TET2: variants seen among roughly 807,000 people sequenced by gnomAD.
The protein encoded by TET2 is tet methylcytosine dioxygenase 2, also known as methylcytosine dioxygenase TET2.
TET2 carries 299 observed loss-of-function variants against 142.9 expected under a neutral mutation model. The ratio of observed to expected loss-of-function variants is 2.09; its 90% CI spans 1.90 to 2.30. TET2 has a LOEUF of 2.30. Among genes scored for constraint, TET2 ranks in the 30% most tolerant of loss-of-function variants. The pLI is 0.00. For synonymous variants in TET2, 819 were observed against 849.0 expected, an observed-to-expected ratio of 0.96 and a Z score of 0.61; for missense variants, 2,418 against 2,378.0, an observed-to-expected ratio of 1.02 and a Z score of -0.35.
At chr4:105,216,051 T>C (rs1727473701) in intron 2 of TET2, among the ~76,000 whole-genome samples, 1 of 152,184 alleles carries the variant, frequency 6.6e-6, no homozygotes, top group South Asian at 2.1e-4. Context: ...TAAAGTTAAT[T>C]CAGCTTCAAA....
intron 6 of TET2, among the ~76,000 whole-genome samples, chr4:105,249,578 T>C (rs2066685450): frequency 6.6e-6 from 1 of 152,218 alleles, no homozygotes; most frequent in Admixed American, 6.5e-5. Flanking sequence ...TGTATGAAGG[T>C]TCCAGTGTAT....
At position 105,272,645 on chromosome 4, in the gene TET2, A is replaced by C; in HGVS notation, c.4264A>C (p.Lys1422Gln). 5.2e-6 allele frequency: 8 copies of C among 1,551,642 alleles called. No individual in the cohort carries two copies. Among genetic ancestry groups the C allele is most frequent in the Non-Finnish European group, 7.0e-6 (8 of 1,146,942 alleles). Residue 1422 changes from lysine to glutamine, a missense_variant, in exon 10 of 11, where the codon AAA becomes CAA. Lys to Gln is a moderately conservative substitution (Grantham distance 53). Transcript: ENST00000380013. ...GCAGCTTCACGTTCTGCCTTTATACAAAGTCTCTGACGTGGATGAGTTTGG... is the reference window on the plus strand; with the variant it reads ...GCAGCTTCACGTTCTGCCTTTATACCAAGTCTCTGACGTGGATGAGTTTGG... ...DEQLHVLPLY[K>Q]VSDVDEFGSV...
rs2110300215 is a variant in TET2 at position 105,269,607 on chromosome 4, C to T, written c.4045-3C>T. The T allele has an allele frequency of 6.4e-7, 1 of 1,551,002 alleles. No individual in the cohort carries two copies. The highest frequency in any genetic ancestry group is 8.7e-7 in the Non-Finnish European group (1 of 1,146,586). On this transcript the variant is annotated splice_polypyrimidine_tract_variant and splice_region_variant and intron_variant, in intron 8 of 10. Coordinates refer to ENST00000380013, the MANE Select transcript of TET2 (RefSeq NM_001127208.3). ...CGCATTCACACACACTTTTATTTTT[C>T]AGATTGAATATGAACACAGAGCACC...
intron 1 of TET2, among the ~76,000 whole-genome samples, chr4:105,153,807 A>T (rs943479957): frequency 1.3e-5 from 2 of 152,262 alleles, no homozygotes; most frequent in Non-Finnish European, 2.9e-5. Flanking sequence ...AGAGAAAGTC[A>T]TAAAAGGAGA....
intron 1 of TET2, among the ~76,000 whole-genome samples, chr4:105,182,464 C>T (rs928144785): frequency 2.0e-5 from 3 of 152,144 alleles, no homozygotes; most frequent in Admixed American, 6.5e-5. Flanking sequence ...GTAAGGGAGA[C>T]GTCTACTTGT....
At chr4:105,186,400 A>AT (rs140425479) in intron 1 of TET2, among the ~76,000 whole-genome samples, 2,621 of 149,352 alleles carry the variant, frequency 0.018, 44 homozygotes, top group East Asian at 0.064. Context: ...CTTCTAAGTG[A>AT]TTTTTTTATA....
In TET2 at chr4:105,272,848, T is replaced by A; in HGVS notation, c.4467T>A (p.Asn1489Lys). Residue 1489 changes from asparagine (N) to lysine (K), a missense_variant, in exon 10 of 11, where the codon AAT becomes AAA. Transcript: ENST00000380013. ...CCCTGGAGAACAGCTCAAATAAAAA[T>A]GAAAAGGAAAAGTCAGCCCCATCAC... is the stretch of plus-strand genomic sequence containing the variant. ...LSSLENSSNKNEKEKSAPSRT... is the reference protein window; with the variant it reads ...LSSLENSSNKKEKEKSAPSRT... 8 of 1,550,958 alleles carry A rather than the reference T, an allele frequency of 5.2e-6. No individual in the cohort carries two copies. Among genetic ancestry groups the A allele is most frequent in the Non-Finnish European group, 5.2e-6 (6 of 1,146,826 alleles).
intron 1 of TET2, chr4:105,147,502 CCTT>C (rs1578518797): frequency 6.6e-6 from 1 of 152,318 alleles, no homozygotes; most frequent in Non-Finnish European, 1.5e-5. Flanking sequence ...CCTCCTCCTA[CCTT>C]CTTATCCCCC....
At chr4:105,261,705 A>C in intron 7 of TET2, 54 bp from the exon 8 acceptor site, 1 of 1,113,430 alleles carries the variant, frequency 9.0e-7, no homozygotes, top group Non-Finnish European at 1.3e-6. Flanking sequence ...AGTCTCTTTT[A>C]CATAGAGAAA....
At chr4:105,151,300 A>G (rs1723287470) in intron 1 of TET2, among the ~76,000 whole-genome samples, 2 of 152,180 alleles carry the variant, frequency 1.3e-5, no homozygotes, top group Admixed American at 6.5e-5. Flanking sequence ...CAGCCCAGGC[A>G]AGAGGGAGAG....
chr4:105,262,623 T>G lies in TET2; in HGVS notation c.4044+775T>G, dbSNP rs149843300. Among the ~76,000 whole-genome samples the G allele has an allele frequency of 2.0e-3, 309 of 152,262 alleles. 1 individual carries two copies. The highest frequency in any genetic ancestry group is 7.2e-3 in the African/African-American group (300 of 41,548). On this transcript the variant is annotated intron_variant, in intron 8 of 10. Transcript: ENST00000380013. ...TTTGCTGGGTACGGTGGCTCACACC[T>G]TTAATCCCAACACTTTGGGAGGCCA...
At chr4:105,162,731 T>G (rs1315463160) in intron 1 of TET2, among the ~76,000 whole-genome samples, 1 of 152,216 alleles carries the variant, frequency 6.6e-6, no homozygotes, top group Non-Finnish European at 1.5e-5. Context: ...TTTTTTTAAG[T>G]GTTTATTATT....
intron 4 of TET2, 134 bp downstream of exon 4, chr4:105,241,563 T>C (rs1729299691): frequency 1.4e-6 from 2 of 1,445,044 alleles, no homozygotes; most frequent in South Asian, 3.1e-5. Context: ...TATTCTAGGG[T>C]TGCCAACACT....
At chr4:105,202,239 G>C (rs1462378314) in intron 2 of TET2, 1 of 151,936 alleles carries the variant, frequency 6.6e-6, no homozygotes, top group Non-Finnish European at 1.5e-5. Context: ...ATTATAGAAG[G>C]CTTACAAAAA....
At chr4:105,167,342 A>G (rs570816507) in intron 1 of TET2, among the ~76,000 whole-genome samples, 1 of 151,978 alleles carries the variant, frequency 6.6e-6, no homozygotes, top group South Asian at 2.1e-4. Flanking sequence ...AAACAATACA[A>G]CTAAACTTAA....
At position 105,234,075 on chromosome 4, in the gene TET2, C is replaced by T; in HGVS notation, c.133C>T (p.His45Tyr). The T allele has an allele frequency of 6.2e-7, 1 of 1,614,052 alleles. No homozygotes were observed. The highest frequency in any genetic ancestry group is 8.5e-7 in the Non-Finnish European group (1 of 1,179,996). Reference sequence around the variant, plus strand: ...TGGAAGCCCACTGCCTGAGAGAGCTCATCCAGAAGTAAATGGAGACACCAA... The same window carrying T: ...TGGAAGCCCACTGCCTGAGAGAGCTTATCCAGAAGTAAATGGAGACACCAA... ...QNGSPLPERA[H>Y]PEVNGDTKWH... The change falls in exon 3 of 11, where the codon CAT (histidine) becomes TAT (tyrosine). Residue 45 changes from histidine (H) to tyrosine (Y), a missense_variant. Coordinates refer to ENST00000380013, the MANE Select transcript of TET2 (RefSeq NM_001127208.3).
intron 2 of TET2, among the ~76,000 whole-genome samples, chr4:105,212,968 C>A (rs189318242): frequency 9.9e-4 from 151 of 152,002 alleles, no homozygotes; most frequent in African/African-American, 3.6e-3. Flanking sequence ...CTAGCCTGGT[C>A]GACAGAGTGA....
intron 1 of TET2, among the ~76,000 whole-genome samples, chr4:105,187,094 T>C (rs1053450690): frequency 6.6e-6 from 1 of 152,196 alleles, no homozygotes; most frequent in African/African-American, 2.4e-5. Context: ...CTCCCAATCT[T>C]GTGCCAGCTC....
chr4:105,259,987 T>C (rs1730343427), intron 7 of TET2, among the ~76,000 whole-genome samples: 4 of 152,158 alleles, frequency 2.6e-5, no homozygotes, highest in Admixed American at 2.6e-4. Flanking sequence ...TGGTCTTTTA[T>C]GTTAATTCCA....
Sources: allele counts gnomAD v4.1 joint callset (sites outside exome capture counted in the v4.1 genomes callset), GRCh38; gene constraint gnomAD v4.1.1; transcripts MANE v1.5; gene names NCBI Gene and HGNC (gene_info 2026-07-23, HGNC 2026-07-21).